The following HABP4 variants were observed in gnomAD, a reference collection of about 807,000 sequenced individuals.
HABP4 encodes the protein hyaluronan binding protein 4, also known as intracellular hyaluronan-binding protein 4.
A neutral mutation model predicts 44.1 loss-of-function variants in HABP4; 32 were observed. The ratio of observed to expected loss-of-function variants is 0.73; its 90% confidence interval spans 0.55 to 0.97. The LOEUF (loss-of-function observed/expected upper bound fraction) is 0.97. Ranked by LOEUF, HABP4 falls within the 50% of genes least tolerant of loss-of-function variation. The pLI, the probability that HABP4 is intolerant of heterozygous loss-of-function variation, is 0.00. For missense variants in HABP4, 503 were observed against 561.9 expected (o/e 0.90, Z 1.06); for synonymous variants, 216 against 218.0 (o/e 0.99, Z 0.08).
At chr9:96,458,060 G>T (rs1832429105) in intron 1 of HABP4, among the ~76,000 whole-genome samples, 1 of 152,136 alleles carries the variant, frequency 6.6e-6, no homozygotes, top group Admixed American at 6.6e-5. Context: ...CTGCTTTTGT[G>T]AACTGTAGCT....
intron 6 of HABP4, among the ~76,000 whole-genome samples, chr9:96,487,241 A>C (rs923319540): frequency 1.3e-5 from 2 of 151,996 alleles, no homozygotes; most frequent in African/African-American, 4.8e-5. Context: ...ATGTTGTAGC[A>C]CTTTGGAGAT....
At chr9:96,485,212 C>T (rs12379374) in intron 6 of HABP4, among the ~76,000 whole-genome samples, 35,362 of 152,094 alleles carry the variant, frequency 0.23, 5,125 homozygotes, top group African/African-American at 0.41. Context: ...GCCACCACCC[C>T]GGCTAATTTT....
At chr9:96,454,897 C>A (rs973139037) in intron 1 of HABP4, among the ~76,000 whole-genome samples, 36 of 152,166 alleles carry the variant, frequency 2.4e-4, no homozygotes, top group African/African-American at 7.7e-4. Context: ...GAGGATCACT[C>A]GAGCTCTGGG....
chr9:96,466,565 T>C (rs112464967), intron 4 of HABP4, among the ~76,000 whole-genome samples: 43 of 152,268 alleles, frequency 2.8e-4, no homozygotes, highest in African/African-American at 1.0e-3. Context: ...CTGGATATTC[T>C]ATATGTTTTT....
intron 3 of HABP4, 46 bp downstream of exon 3, chr9:96,465,544 C>T: frequency 7.5e-7 from 1 of 1,327,846 alleles, no homozygotes; most frequent in South Asian, 1.2e-5. Context: ...ATGGTGTCAG[C>T]ACGTGGTATG....
At chr9:96,480,341 A>G (rs1212241368) in intron 5 of HABP4, among the ~76,000 whole-genome samples, 2 of 152,114 alleles carry the variant, frequency 1.3e-5, no homozygotes, top group African/African-American at 4.8e-5. Flanking sequence ...TTTAGCTGCT[A>G]TACTATAGTT....
chr9:96,469,432 C>G (rs957480195), intron 4 of HABP4, among the ~76,000 whole-genome samples: 1 of 152,148 alleles, frequency 6.6e-6, no homozygotes, highest in Admixed American at 6.6e-5. Context: ...AACATATGTG[C>G]ACAAATAGGC....
intron 5 of HABP4, among the ~76,000 whole-genome samples, chr9:96,472,540 C>T (rs1244921398): frequency 6.6e-6 from 1 of 152,204 alleles, no homozygotes; most frequent in Non-Finnish European, 1.5e-5. Flanking sequence ...CTCCTTCCCT[C>T]GTGCTAACCA....
At chr9:96,456,776 A>AGT (rs1832392528) in intron 1 of HABP4, among the ~76,000 whole-genome samples, 1 of 64,488 alleles carries the variant, frequency 1.6e-5, no homozygotes, top group African/African-American at 6.9e-5. Context: ...AAAAAAAAAA[A>AGT]AAAAATATAT....
chr9:96,484,510 T>G lies in HABP4; in HGVS notation c.876T>G (p.Thr292=). ...AAGAAACCCAAGTTCAAGAGATGAC[T>G]TTAGATGAGTGGAAAAATCTTCAAG... The part of the protein sequence containing the change: ...VEEETQVQEM[T]LDEWKNLQEQ... The change falls in exon 6 of 8, where the codon ACT becomes ACG. Residue 292 remains threonine (T), a synonymous_variant. Coordinates refer to ENST00000375249, the MANE Select transcript of HABP4 (RefSeq NM_014282.4). The G allele has an allele frequency of 6.3e-7, 1 of 1,581,356 alleles. No homozygotes were observed. The highest frequency in any genetic ancestry group is 1.3e-5 in the African/African-American group (1 of 74,438).
At position 96,450,236 on chromosome 9, in the gene HABP4, G is replaced by C; in HGVS notation, c.-44G>C. ...CTGGCCGCCGGCTTCGCTGAGACGC[G>C]CTCGCGTGGGCTGCCCTCCCGGGCC... On this transcript the variant is annotated 5_prime_UTR_variant, in exon 1 of 8. Coordinates refer to ENST00000375249, the MANE Select transcript of HABP4 (RefSeq NM_014282.4). The surrounding 1 kb of genome is among the most constrained non-coding windows in gnomAD (Gnocchi z 4.8). 1 of 1,326,492 alleles carries C rather than the reference G, an allele frequency of 7.5e-7. No individual in the cohort carries two copies. Among genetic ancestry groups the C allele is most frequent in the Non-Finnish European group, 9.7e-7 (1 of 1,029,212 alleles). The allele number at this position is 1,326,492 out of a possible 1,614,324, so 82.2% of individuals were successfully genotyped here. A position where few individuals can be genotyped will look rare whatever the true frequency, so the allele number is the denominator to read the frequency against.
At chr9:96,455,182 G>T (rs1398551606) in intron 1 of HABP4, among the ~76,000 whole-genome samples, 1 of 152,154 alleles carries the variant, frequency 6.6e-6, no homozygotes, top group Admixed American at 6.5e-5. Flanking sequence ...TGGGTGCAGT[G>T]GCTTATGTGT....
intron 5 of HABP4, among the ~76,000 whole-genome samples, chr9:96,474,676 A>C (rs1832752326): frequency 6.6e-6 from 1 of 152,182 alleles, no homozygotes; most frequent in Non-Finnish European, 1.5e-5. Flanking sequence ...ATTATTACTA[A>C]AATTTCTAAT....
rs117434764 is a variant in HABP4, at chr9:96,459,056, G to A, written c.512+515G>A. ...CCTTTTTCCTCATAGATGCCTTTAC[G>A]TCTTGGTTCAGGAAATGATTGTACA... On this transcript the variant is annotated intron_variant, in intron 2 of 7. Transcript: ENST00000375249. Among the ~76,000 whole-genome samples, 696 of 152,188 alleles carry A rather than the reference G, an allele frequency of 4.6e-3. 7 individuals carry two copies. The highest frequency in any genetic ancestry group is 0.022 in the East Asian group (114 of 5,176).
chr9:96,478,781 C>T (rs1457496511), intron 5 of HABP4, among the ~76,000 whole-genome samples: 1 of 151,924 alleles, frequency 6.6e-6, no homozygotes, highest in East Asian at 1.9e-4. Flanking sequence ...CCACCTCAGC[C>T]TCCTGATGTC....
At chr9:96,456,780 AATATATATATATAT>A (rs71368267) in intron 1 of HABP4, among the ~76,000 whole-genome samples, 689 of 44,740 alleles carry the variant, frequency 0.015, 16 homozygotes, top group Middle Eastern at 0.11. Context: ...AAAAAAAAAA[AATATATATATATAT>A]ATATATATAT....
chr9:96,487,661 AACAGATAAG>A (rs1408374408), intron 6 of HABP4, among the ~76,000 whole-genome samples: 4 of 151,866 alleles, frequency 2.6e-5, no homozygotes, highest in Admixed American at 1.3e-4. Flanking sequence ...AGCATTTGTG[AACAGATAAG>A]ACAGAAAATA....
Position 96,450,172 on chromosome 9 carries a change from G to T in HABP4, c.-108G>T, listed in dbSNP as rs1587764749. The T allele has an allele frequency of 2.0e-5, 23 of 1,132,946 alleles. No individual in the cohort carries two copies. The highest frequency in any genetic ancestry group is 4.0e-5 in the East Asian group (1 of 25,176). The allele number at this position is 1,132,946 out of a possible 1,614,324, so 70.2% of individuals were successfully genotyped here. ...GCCGGTAGGGGCCGGACAGGGTAGG[G>T]CCCGGAGGGCGGTGGCGGCGGAGCG... is the stretch of plus-strand genomic sequence containing the variant. On this transcript the variant is annotated 5_prime_UTR_variant, in exon 1 of 8. Transcript: ENST00000375249. The surrounding 1 kb of genome is among the most constrained non-coding windows in gnomAD (Gnocchi z 4.8).
chr9:96,457,203 C>G (rs915462246), intron 1 of HABP4, among the ~76,000 whole-genome samples: 1 of 151,982 alleles, frequency 6.6e-6, no homozygotes, highest in South Asian at 2.1e-4. Context: ...GTCGTCTCTA[C>G]TGAAAATACA....
Sources: gnomAD v4.1 joint callset for allele counts (sites outside exome capture counted in the v4.1 genomes callset) on GRCh38, gnomAD v4.1.1 for gene constraint, Gnocchi (gnomAD v3.1) non-coding constraint, MANE v1.5 for transcripts, NCBI Gene and HGNC (gene_info 2026-07-23, HGNC 2026-07-21) for gene names.